The following RPS29 variants were observed in gnomAD, a reference collection of about 807,000 sequenced individuals.
RPS29 encodes ribosomal protein S29.
For missense variants in RPS29, 60 were observed against 75.7 expected (o/e 0.79, Z 0.77); for synonymous variants, 37 against 26.9 (o/e 1.37, Z -1.16).
upstream of RPS29, among the ~76,000 whole-genome samples, chr14:49,591,097 A>T (rs1204468138): frequency 6.6e-6 from 1 of 152,154 alleles, no homozygotes; most frequent in Non-Finnish European, 1.5e-5. Flanking sequence ...TATTTTAATT[A>T]ACTGTACATA....
At chr14:49,584,691 G>A (rs1259340028) in intron 2 of RPS29, among the ~76,000 whole-genome samples, 3 of 77,806 alleles carry the variant, frequency 3.9e-5, no homozygotes, top group African/African-American at 1.3e-4. Flanking sequence ...TTGAATCCGG[G>A]AGGGGGAGGC....
intron 2 of RPS29, among the ~76,000 whole-genome samples, chr14:49,578,559 CT>C (rs60555753): frequency 4.0e-4 from 41 of 103,444 alleles, no homozygotes; most frequent in Admixed American, 1.6e-3. Context: ...AAAGCTTTCA[CT>C]TTTTTTTTTT....
chr14:49,573,103 G>GAAAGAAAGAAAGAAAGAAAGAAAGAAA lies in RPS29; in HGVS notation c.*4708_*4709insTTTCTTTCTTTCTTTCTTTCTTTCTTT, dbSNP rs1566473648. On this transcript the variant is annotated 3_prime_UTR_variant, in exon 3 of 3. Coordinates refer to the RPS29 transcript ENST00000396020. ...AAAGAAGAAAGAAAGAAAGAAAGAA[G>GAAAGAAAGAAAGAAAGAAAGAAAGAAA]GAAAGAAAGAAAGAAAGAAAGAGAA... The GAAAGAAAGAAAGAAAGAAAGAAAGAAA allele has an allele frequency of 2.0e-3, 281 of 142,540 alleles. 1 individual carries two copies. Among genetic ancestry groups the GAAAGAAAGAAAGAAAGAAAGAAAGAAA allele is most frequent in the African/African-American group, 7.0e-3 (267 of 38,344 alleles). 8.8% of individuals were successfully genotyped at this position (142,540 alleles called of 1,614,324 possible).
At chr14:49,583,923 T>G (rs1333527798) in intron 2 of RPS29, among the ~76,000 whole-genome samples, 1 of 152,238 alleles carries the variant, frequency 6.6e-6, no homozygotes, top group Non-Finnish European at 1.5e-5. Flanking sequence ...CCCAAAACAC[T>G]AGTAAATGAT....
At position 49,585,879 on chromosome 14, in the gene RPS29, C is replaced by T; in HGVS notation, c.162+71G>A. 8 of 1,204,214 alleles carry T rather than the reference C, an allele frequency of 6.6e-6. No individual in the cohort carries two copies. In the South Asian group the frequency reaches 9.7e-5, roughly 15 times the overall value. The allele number at this position is 1,204,214 out of a possible 1,614,324, so 74.6% of individuals were successfully genotyped here. ...CTCCAGGGAAGATCTGTCCGTTTGT[C>T]TTTCGCGGAAAAAATAACCCCCACA... On this transcript the variant is annotated intron_variant, in intron 2 of 2. Coordinates refer to ENST00000245458, the MANE Select transcript of RPS29 (RefSeq NM_001032.5).
rs531105512 is a variant in RPS29, at chr14:49,592,307, A to G, written c.-132-5829T>C. The G allele has an allele frequency of 2.0e-5, 3 of 150,078 alleles. 1 individual carries two copies. The South Asian group carries it at 6.3e-4, about 32-fold the overall frequency. 9.3% of individuals were successfully genotyped at this position (150,078 alleles called of 1,614,324 possible). On this transcript the variant is annotated intron_variant, in intron 1 of 3. Coordinates refer to the RPS29 transcript ENST00000556230. ...AATCTGTAACTGGTTGTAATTAATTAGTTGTAAACTCCACTGCACTCGGAC... is the reference window on the plus strand; with the variant it reads ...AATCTGTAACTGGTTGTAATTAATTGGTTGTAAACTCCACTGCACTCGGAC...
At position 49,585,970 on chromosome 14, in the gene RPS29, T is replaced by C; in HGVS notation, c.142A>G (p.Lys48Glu). ...CCTACCTTAATGAAACCGATATCCT[T>C]CGCGTACTGACGGAAACACTGGCGG... ...MCRQCFRQYAKDIGFIKLD is the reference protein window; with the variant it reads ...MCRQCFRQYAEDIGFIKLD The change falls in exon 2 of 3, where the codon AAG (lysine) becomes GAG (glutamate). Residue 48 changes from lysine (K) to glutamate (E), a missense_variant. Transcript: ENST00000245458. The C allele has an allele frequency of 6.2e-7, 1 of 1,613,770 alleles. No individual in the cohort carries two copies. Among genetic ancestry groups the C allele is most frequent in the African/African-American group, 1.3e-5 (1 of 75,038 alleles).
chr14:49,578,120 T>G (rs974222025), intron 2 of RPS29, among the ~76,000 whole-genome samples: 1 of 152,090 alleles, frequency 6.6e-6, no homozygotes, highest in African/African-American at 2.4e-5. Context: ...TAGCCCTTTT[T>G]TTTTTCAGAG....
At chr14:49,597,402 T>G (rs1273783854) in intron 1 of RPS29, 1 of 152,120 alleles carries the variant, frequency 6.6e-6, no homozygotes, top group Non-Finnish European at 1.5e-5. Flanking sequence ...TTTACAGTTT[T>G]CCTAGCTCCC....
chr14:49,598,564 G>A (rs1444441988), exon 1 of RPS29: 1 of 702,322 alleles, frequency 1.4e-6, no homozygotes, highest in Non-Finnish European at 2.6e-6. Flanking sequence ...GGGCCACTCA[G>A]ACAGTTCTAA....
upstream of RPS29, chr14:49,586,677 G>A (rs1463302654): frequency 3.1e-6 from 1 of 321,084 alleles, no homozygotes; most frequent in South Asian, 3.4e-5. Context: ...AGTGCGCTAT[G>A]CCGATCGGGT....
chr14:49,590,262 G>A (rs1881682805), upstream of RPS29, among the ~76,000 whole-genome samples: 2 of 151,704 alleles, frequency 1.3e-5, no homozygotes, highest in Non-Finnish European at 2.9e-5. Flanking sequence ...CAGATCACAA[G>A]GTCAGGAGTT....
upstream of RPS29, chr14:49,586,837 C>T: frequency 5.8e-6 from 1 of 171,456 alleles, no homozygotes; most frequent in Admixed American, 5.4e-5. Context: ...TGTGAATAGC[C>T]ACTGCACTCC....
chr14:49,583,837 G>A (rs539416278), intron 2 of RPS29, among the ~76,000 whole-genome samples, 162 bp from the exon 3 acceptor site: 3 of 152,272 alleles, frequency 2.0e-5, no homozygotes, highest in African/African-American at 7.2e-5. Context: ...TTTACTGAAT[G>A]CCTACTCCAG....
downstream of RPS29, among the ~76,000 whole-genome samples, chr14:49,582,012 C>CCAAAAAAAAAAAAAAAA (rs71115379): frequency 1.3e-3 from 142 of 106,462 alleles, 4 homozygotes; most frequent in African/African-American, 5.9e-3. Context: ...CCCTGCCCCC[C>CCAAAAAAAAAAAAAAAA]AAAAAAAAAA....
chr14:49,589,004 G>A (rs967536074), upstream of RPS29, among the ~76,000 whole-genome samples: 10 of 148,046 alleles, frequency 6.8e-5, no homozygotes, highest in Non-Finnish European at 1.2e-4. Flanking sequence ...CCATTCTCCT[G>A]CCTCAGCCTC....
Position 49,585,973 on chromosome 14 carries a change from C to T in RPS29, c.139G>A (p.Ala47Thr). The change falls in exon 2 of 3, where the codon GCG (alanine) becomes ACG (threonine). Residue 47 changes from alanine to threonine, a missense_variant. By Grantham distance (58) the Ala-to-Thr change is moderately conservative (BLOSUM62 0). Coordinates refer to ENST00000245458, the MANE Select transcript of RPS29 (RefSeq NM_001032.5). ...ACCTTAATGAAACCGATATCCTTCG[C>T]GTACTGACGGAAACACTGGCGGCAC... Reference protein sequence around the residue: ...NMCRQCFRQYAKDIGFIKLD With the variant: ...NMCRQCFRQYTKDIGFIKLD The T allele has an allele frequency of 6.2e-7, 1 of 1,613,826 alleles. No individual in the cohort carries two copies. The highest frequency in any genetic ancestry group is 8.5e-7 in the Non-Finnish European group (1 of 1,179,756).
chr14:49,584,020 C>A (rs1881427732), intron 2 of RPS29, among the ~76,000 whole-genome samples: 1 of 152,120 alleles, frequency 6.6e-6, no homozygotes, highest in South Asian at 2.1e-4. Context: ...GTCTCGCTGT[C>A]TCCCGGACTG....
upstream of RPS29, chr14:49,586,588 C>T (rs1159243893): frequency 2.3e-5 from 12 of 533,326 alleles, no homozygotes; most frequent in Non-Finnish European, 4.1e-5. Context: ...CCGCCGGGCG[C>T]GGTGGCGCGT....
Sources: gnomAD v4.1 joint callset for allele counts (sites outside exome capture counted in the v4.1 genomes callset) on GRCh38, gnomAD v4.1.1 for gene constraint, MANE v1.5 for transcripts, NCBI Gene and HGNC (gene_info 2026-07-23, HGNC 2026-07-21) for gene names.